The following STK4 variants were observed in gnomAD, a reference collection of about 807,000 sequenced individuals.
STK4 encodes serine/threonine kinase 4.
STK4 carries 30 observed loss-of-function variants against 64.9 expected under a neutral mutation model. That is an observed-to-expected ratio of 0.46 (90% CI 0.35 to 0.63). The LOEUF (loss-of-function observed/expected upper bound fraction) is 0.63. Among genes scored for constraint, STK4 ranks in the 20% least tolerant of loss-of-function variants. The pLI is 0.01. For missense variants in STK4, 466 were observed against 598.5 expected, an observed-to-expected ratio of 0.78 and a Z score of 2.31; for synonymous variants, 177 against 199.0, an observed-to-expected ratio of 0.89 and a Z score of 0.93.
intron 10 of STK4, among the ~76,000 whole-genome samples, chr20:45,062,069 A>G (rs2145462942): frequency 6.6e-6 from 1 of 151,920 alleles, no homozygotes; most frequent in South Asian, 2.1e-4. Context: ...TAGTAGAAAC[A>G]GGGTTTCATC....
At chr20:44,982,176 G>A (rs555621293) in intron 4 of STK4, among the ~76,000 whole-genome samples, 1 of 147,442 alleles carries the variant, frequency 6.8e-6, no homozygotes, top group African/African-American at 2.5e-5. Context: ...TAGTGGCACA[G>A]TCATAGCTCA....
At chr20:44,988,531 G>GTATATA (rs2067572882) in intron 5 of STK4, among the ~76,000 whole-genome samples, 1 of 77,036 alleles carries the variant, frequency 1.3e-5, no homozygotes, top group East Asian at 4.6e-4. Context: ...ATATGTGTGT[G>GTATATA]TGTATATATA....
intron 6 of STK4, among the ~76,000 whole-genome samples, chr20:44,996,141 G>C (rs188600710): frequency 9.5e-4 from 145 of 152,150 alleles, no homozygotes; most frequent in Middle Eastern, 3.4e-3. Flanking sequence ...TTTTGAATTT[G>C]TAAGTTTTGG....
chr20:44,973,887 A>G (rs779460332), intron 2 of STK4, among the ~76,000 whole-genome samples: 4 of 152,216 alleles, frequency 2.6e-5, no homozygotes, highest in Non-Finnish European at 5.9e-5. Flanking sequence ...TTTTAAATGT[A>G]TCAACTGAAG....
At chr20:45,017,123 T>C (rs2068156524) in intron 9 of STK4, among the ~76,000 whole-genome samples, 1 of 152,224 alleles carries the variant, frequency 6.6e-6, no homozygotes. Context: ...ATTTATTAAA[T>C]AGTCACTATG....
intron 10 of STK4, among the ~76,000 whole-genome samples, chr20:45,037,318 GA>G (rs2068542912): frequency 6.6e-6 from 1 of 152,130 alleles, no homozygotes; most frequent in Admixed American, 6.6e-5. Flanking sequence ...AAAAGGGGAG[GA>G]AGGGAGCGAA....
intron 3 of STK4, among the ~76,000 whole-genome samples, chr20:44,980,254 A>G (rs1448351060): frequency 2.0e-5 from 3 of 152,156 alleles, no homozygotes; most frequent in Non-Finnish European, 4.4e-5. Flanking sequence ...TACCTTAGAC[A>G]CTTTTTTCAT....
chr20:44,990,931 C>T (rs1305201558), intron 5 of STK4, among the ~76,000 whole-genome samples: 1 of 152,148 alleles, frequency 6.6e-6, no homozygotes, highest in African/African-American at 2.4e-5. Flanking sequence ...CAGGTTGTTT[C>T]CTAGTTTTCC....
At chr20:45,056,088 T>C (rs1400110562) in intron 10 of STK4, among the ~76,000 whole-genome samples, 1 of 152,226 alleles carries the variant, frequency 6.6e-6, no homozygotes, top group African/African-American at 2.4e-5. Context: ...TTAAATACTA[T>C]TTCAACTACC....
At position 45,061,857 on chromosome 20, in the gene STK4, TTTCTTC is replaced by T. The variant is rs1207748868; in HGVS notation, c.1306-13149_1306-13144del. Among the ~76,000 whole-genome samples the T allele has an allele frequency of 2.2e-4, 33 of 149,032 alleles. No homozygotes were observed. The East Asian group carries it at 5.6e-3, about 25-fold the overall frequency. On this transcript the variant is annotated intron_variant, in intron 10 of 10. Transcript: ENST00000372806. ...CATGCAGTATTTGTTTTTCTTTTCT[TTTCTTC>T]TTCTTCTTCTTTTTTTTTTTTTTTT...
At chr20:45,003,739 G>A (rs932392863) in intron 9 of STK4, among the ~76,000 whole-genome samples, 69 of 142,730 alleles carry the variant, frequency 4.8e-4, no homozygotes, top group Non-Finnish European at 7.4e-4. Context: ...TTTTGGAGAC[G>A]GAGTCTCACT....
rs1555809972 is a variant in STK4, at chr20:44,995,629, A to AT, written c.693+372_693+373insT. Among the ~76,000 whole-genome samples the AT allele has an allele frequency of 1.3e-3, 203 of 151,084 alleles. 1 individual carries two copies. The highest frequency in any genetic ancestry group is 4.9e-3 in the African/African-American group (202 of 41,088). On this transcript the variant is annotated intron_variant, in intron 6 of 10. Transcript: ENST00000372806. Reference sequence around the variant, plus strand: ...TCAAAAAAAAAAAAAAAAAAAAAAAAGTTCAATGGCTTACTTGTTTAAGTT... The same window carrying AT: ...TCAAAAAAAAAAAAAAAAAAAAAAAATGTTCAATGGCTTACTTGTTTAAGTT...
intron 6 of STK4, among the ~76,000 whole-genome samples, chr20:44,996,912 A>C (rs1369696433): frequency 1.2e-4 from 18 of 147,112 alleles, no homozygotes; most frequent in Admixed American, 1.1e-3. Context: ...CAAAATAATA[A>C]TAATAAAAAA....
At chr20:45,071,708 A>G (rs866305292) in intron 10 of STK4, among the ~76,000 whole-genome samples, 3 of 152,356 alleles carry the variant, frequency 2.0e-5, no homozygotes, top group African/African-American at 4.8e-5. Context: ...AATCATGTTT[A>G]TCAAACTTGA....
chr20:44,993,094 T>C (rs1253645795), intron 5 of STK4, among the ~76,000 whole-genome samples: 1 of 152,190 alleles, frequency 6.6e-6, no homozygotes, highest in Non-Finnish European at 1.5e-5. Flanking sequence ...AAGGTAGGCA[T>C]TTAAGTGTAG....
chr20:45,031,294 T>C (rs76615150), intron 10 of STK4, among the ~76,000 whole-genome samples: 4,283 of 151,738 alleles, frequency 0.028, 187 homozygotes, highest in African/African-American at 0.093. Context: ...GTAGGGGAAA[T>C]AAGTACAGAG....
intron 9 of STK4, 72 bp from the exon 10 acceptor site, chr20:45,024,901 A>C: frequency 7.2e-7 from 1 of 1,382,694 alleles, no homozygotes; most frequent in Non-Finnish European, 9.5e-7. Context: ...CCATCTGGAG[A>C]TATGTCTATT....
At chr20:45,002,654 C>T (rs1470146385) in intron 9 of STK4, among the ~76,000 whole-genome samples, 4 of 152,254 alleles carry the variant, frequency 2.6e-5, no homozygotes, top group Admixed American at 1.3e-4. Context: ...CATACAATTA[C>T]ACAGAATAAT....
chr20:44,990,779 A>T (rs1487160203), intron 5 of STK4, among the ~76,000 whole-genome samples: 2 of 152,172 alleles, frequency 1.3e-5, no homozygotes, highest in African/African-American at 4.8e-5. Flanking sequence ...TAGTTGCTTG[A>T]TGGGAGAGGA....
Sources: gnomAD v4.1 joint callset for allele counts (sites outside exome capture counted in the v4.1 genomes callset) on GRCh38, gnomAD v4.1.1 for gene constraint, MANE v1.5 for transcripts, NCBI Gene and HGNC (gene_info 2026-07-23, HGNC 2026-07-21) for gene names.